The following GPR107 variants were observed in gnomAD, a reference collection of about 807,000 sequenced individuals.
The protein encoded by GPR107 is G protein-coupled receptor 107, also known as protein GPR107.
Under a neutral mutation model 75.5 loss-of-function variants are expected in GPR107, and 31 were observed. The ratio of observed to expected loss-of-function variants is 0.41; its 90% CI spans 0.31 to 0.55. The LOEUF (loss-of-function observed/expected upper bound fraction) is 0.55. GPR107 is among the 20% of genes least tolerant of loss of function. The probability of loss-of-function intolerance (pLI) is 0.26; values close to 1 mark genes in which losing one functional copy is unlikely to be tolerated. For missense variants in GPR107, 572 were observed against 665.7 expected (o/e 0.86, Z 1.55); for synonymous variants, 267 against 251.3 (o/e 1.06, Z -0.59).
In GPR107 at chr9:130,077,325, A is replaced by T; in HGVS notation, c.333A>T (p.Leu111Phe). Residue 111 changes from leucine to phenylalanine, a missense_variant, in exon 4 of 18, where the codon TTA becomes TTT. Physicochemically the swap from Leu to Phe is conservative, Grantham distance 22. Coordinates refer to ENST00000347136, the MANE Select transcript of GPR107 (RefSeq NM_020960.5). ...ATGAAGATGTGAATTACTGTATTTT[A>T]AAGAAACAGTCTGTCTCTGTCACCC... ...YLDEDVNYCILKKQSVSVTLL... is the reference protein window; with the variant it reads ...YLDEDVNYCIFKKQSVSVTLL... 6.4e-7 allele frequency: 1 copy of T among 1,564,140 alleles called. No homozygotes were observed. The highest frequency in any genetic ancestry group is 1.4e-5 in the African/African-American group (1 of 74,018).
chr9:130,055,250 G>T (rs1177719606), intron 1 of GPR107, among the ~76,000 whole-genome samples: 3 of 150,218 alleles, frequency 2.0e-5, no homozygotes, highest in African/African-American at 7.4e-5. Context: ...GGCAGATCAC[G>T]AGGTGAGGAG....
intron 9 of GPR107, among the ~76,000 whole-genome samples, chr9:130,096,011 G>T (rs1255422793): frequency 6.7e-6 from 1 of 149,282 alleles, no homozygotes; most frequent in East Asian, 2.0e-4. Flanking sequence ...CTGGAACTCG[G>T]GTCTGCTTGC....
At position 130,074,130 on chromosome 9, in the gene GPR107, G is replaced by A. The variant is rs568487216; in HGVS notation, c.142-1506G>A. ...TTAGGCCTGAGCAGGGAGGTGAGTTGGAACTGTGTCCCTCTGCTTCTCAGC... is the reference window on the plus strand; with the variant it reads ...TTAGGCCTGAGCAGGGAGGTGAGTTAGAACTGTGTCCCTCTGCTTCTCAGC... On this transcript the variant is annotated intron_variant, in intron 1 of 17. Coordinates refer to ENST00000347136, the MANE Select transcript of GPR107 (RefSeq NM_020960.5). Among the ~76,000 whole-genome samples the A allele has an allele frequency of 4.6e-5, 7 of 152,260 alleles. No homozygotes were observed. In the South Asian group the frequency reaches 1.2e-3, roughly 27 times the overall value.
At chr9:130,070,473 T>C (rs1830178141) in intron 1 of GPR107, among the ~76,000 whole-genome samples, 1 of 152,104 alleles carries the variant, frequency 6.6e-6, no homozygotes, top group Non-Finnish European at 1.5e-5. Context: ...TTGGCTACTT[T>C]TTGTATTTTT....
intron 13 of GPR107, among the ~76,000 whole-genome samples, chr9:130,106,274 CAGTA>C (rs760006830): frequency 6.6e-6 from 1 of 151,968 alleles, no homozygotes; most frequent in Non-Finnish European, 1.5e-5. Context: ...TGAAAAAAGT[CAGTA>C]AGTACTGGAG....
chr9:130,063,889 CTA>C (rs1829995111), intron 1 of GPR107, among the ~76,000 whole-genome samples: 1 of 150,906 alleles, frequency 6.6e-6, no homozygotes, highest in African/African-American at 2.4e-5. Context: ...ACTGCAGCCT[CTA>C]TCTCCCAGAT....
At chr9:130,070,918 T>C (rs915727469) in intron 1 of GPR107, among the ~76,000 whole-genome samples, 4 of 151,430 alleles carry the variant, frequency 2.6e-5, no homozygotes, top group Admixed American at 1.3e-4. Context: ...GGGGTCTTTC[T>C]GTGTTGCCCA....
intron 9 of GPR107, among the ~76,000 whole-genome samples, chr9:130,093,599 A>G (rs780565776): frequency 2.6e-5 from 4 of 152,134 alleles, no homozygotes; most frequent in Non-Finnish European, 4.4e-5. Context: ...TATCCTGTAC[A>G]CCCACCAGAT....
Position 130,112,055 on chromosome 9 carries a change from A to G in GPR107, c.1306+4516A>G, listed in dbSNP as rs1475827845. On this transcript the variant is annotated intron_variant, in intron 14 of 17. Coordinates refer to ENST00000347136, the MANE Select transcript of GPR107 (RefSeq NM_020960.5). This position sits in a 1 kb window ranked among gnomAD's most constrained non-coding sequence, Gnocchi z 4.0. ...CATCCGCGTTCCCTTCTCTTTCTCC[A>G]GTGTCATTACCTTATAGGACTGGCG... 1.3e-5 allele frequency among the ~76,000 whole-genome samples: 2 copies of G among 152,140 alleles called. No homozygotes were observed. Among genetic ancestry groups the G allele is most frequent in the East Asian group, 1.9e-4 (1 of 5,190 alleles).
intron 14 of GPR107, among the ~76,000 whole-genome samples, chr9:130,113,822 A>T (rs1831359966): frequency 6.6e-6 from 1 of 152,158 alleles, no homozygotes; most frequent in South Asian, 2.1e-4. Flanking sequence ...ACCTCTTGTC[A>T]GGTTTTAATG....
chr9:130,102,853 G>A (rs558276585), intron 12 of GPR107, among the ~76,000 whole-genome samples: 8 of 152,264 alleles, frequency 5.3e-5, no homozygotes, highest in South Asian at 2.1e-4. Context: ...TGGTGATCAT[G>A]GCTCACTGCA....
chr9:130,129,077 G>T lies in GPR107; in HGVS notation c.1562+316G>T, dbSNP rs1831755893. 6 of 202,682 alleles carry T rather than the reference G, an allele frequency of 3.0e-5. No homozygotes were observed. In the Admixed American group the frequency reaches 3.3e-4, roughly 11 times the overall value. 12.6% of individuals were successfully genotyped at this position (202,682 alleles called of 1,614,324 possible). On this transcript the variant is annotated intron_variant, in intron 17 of 17. Coordinates refer to ENST00000347136, the MANE Select transcript of GPR107 (RefSeq NM_020960.5). ...TGGCCAGTTCACGAGGGAGAACAGG[G>T]GGCCGACTTTCTGTCAGGCCCGCCA...
chr9:130,074,597 C>T (rs185942057), intron 1 of GPR107, among the ~76,000 whole-genome samples: 2 of 152,158 alleles, frequency 1.3e-5, no homozygotes, highest in East Asian at 1.9e-4. Context: ...GTGGGGTAGG[C>T]GTCTGCCCAT....
intron 14 of GPR107, among the ~76,000 whole-genome samples, chr9:130,116,166 TTTTTTAGGCC>T (rs1831424645): frequency 1.3e-5 from 2 of 152,200 alleles, no homozygotes; most frequent in South Asian, 4.1e-4. Flanking sequence ...ATTGCCAGGC[TTTTTTAGGCC>T]TTTAAAGTGT....
chr9:130,108,983 G>A lies in GPR107; in HGVS notation c.1306+1444G>A, dbSNP rs10988594. On this transcript the variant is annotated intron_variant, in intron 14 of 17. Coordinates refer to ENST00000347136, the MANE Select transcript of GPR107 (RefSeq NM_020960.5). ...TACAAATCCACCTCTAGGAATAATT[G>A]GGGATATTCTTTTTTTTTTTTTTTT... Among the ~76,000 whole-genome samples, 103 of 144,676 alleles carry A rather than the reference G, an allele frequency of 7.1e-4. 3 individuals carry two copies. The East Asian group carries it at 0.02, about 28-fold the overall frequency. The allele number at this position is 144,676 out of a possible 152,430, so 94.9% of individuals were successfully genotyped here. A position where few individuals can be genotyped will look rare whatever the true frequency, so the allele number is the denominator to read the frequency against.
At chr9:130,098,499 C>T (rs1025888690) in intron 9 of GPR107, among the ~76,000 whole-genome samples, 5 of 152,192 alleles carry the variant, frequency 3.3e-5, no homozygotes, top group Non-Finnish European at 7.3e-5. Flanking sequence ...GCTGTTTTCT[C>T]AGGTCCATCT....
intron 7 of GPR107, 41 bp downstream of exon 7, chr9:130,086,517 C>G (rs1215056349): frequency 8.5e-7 from 1 of 1,173,702 alleles, no homozygotes; most frequent in African/African-American, 1.5e-5. Context: ...GAATTTCTCT[C>G]TACCATGTAA....
intron 5 of GPR107, among the ~76,000 whole-genome samples, chr9:130,080,383 G>T (rs1225710455): frequency 6.6e-6 from 1 of 152,172 alleles, no homozygotes; most frequent in African/African-American, 2.4e-5. Flanking sequence ...TGTAGGAATA[G>T]TGGGCACATT....
intron 1 of GPR107, among the ~76,000 whole-genome samples, chr9:130,072,252 G>A (rs1374205631): frequency 2.1e-5 from 3 of 145,402 alleles, no homozygotes; most frequent in East Asian, 2.0e-4. Context: ...ATGGAGTCTC[G>A]CTGTCGCCCA....
Sources: gnomAD v4.1 joint callset for allele counts (sites outside exome capture counted in the v4.1 genomes callset) on GRCh38, gnomAD v4.1.1 for gene constraint, Gnocchi (gnomAD v3.1) non-coding constraint, MANE v1.5 for transcripts, NCBI Gene and HGNC (gene_info 2026-07-23, HGNC 2026-07-21) for gene names.